Variants in CSMD3 observed in about 807,000 individuals in gnomAD.
The protein encoded by CSMD3 is CUB and Sushi multiple domains 3.
CSMD3 carries 177 observed loss-of-function variants against 435.2 expected under a neutral mutation model. The observed-to-expected ratio is 0.41, with a 90% confidence interval of 0.36 to 0.46. The LOEUF (loss-of-function observed/expected upper bound fraction) is 0.46. Ranked by LOEUF, CSMD3 falls within the 20% of genes least tolerant of loss-of-function variation. The probability of loss-of-function intolerance (pLI) is 0.34; values close to 1 mark genes in which losing one functional copy is unlikely to be tolerated. For missense variants in CSMD3, 4,265 were observed against 4,504.6 expected (o/e 0.95, Z 1.52); for synonymous variants, 1,656 against 1,520.5 (o/e 1.09, Z -2.07).
chr8:113,081,695 T>C (rs946357686), intron 5 of CSMD3, among the ~76,000 whole-genome samples: 3 of 152,024 alleles, frequency 2.0e-5, no homozygotes, highest in Non-Finnish European at 4.4e-5. Flanking sequence ...ACTCCCCGCA[T>C]CTCAAAAATC....
intron 1 of CSMD3, among the ~76,000 whole-genome samples, chr8:113,397,107 G>A (rs2094487154): frequency 6.6e-6 from 1 of 152,108 alleles, no homozygotes; most frequent in South Asian, 2.1e-4. Flanking sequence ...CCTCCAAAAT[G>A]TTAAATTAAT....
intron 11 of CSMD3, among the ~76,000 whole-genome samples, chr8:112,854,114 T>C (rs1296839771): frequency 6.6e-6 from 1 of 152,224 alleles, no homozygotes; most frequent in Non-Finnish European, 1.5e-5. Context: ...TAATTTTTAC[T>C]CTTTATGCAT....
chr8:112,853,193 T>C (rs2080543802), intron 11 of CSMD3, among the ~76,000 whole-genome samples: 1 of 152,102 alleles, frequency 6.6e-6, no homozygotes, highest in South Asian at 2.1e-4. Context: ...ACTCATTAGC[T>C]TTTGCCAGTT....
intron 44 of CSMD3, among the ~76,000 whole-genome samples, chr8:112,335,756 A>G (rs201762192): frequency 3.4e-5 from 5 of 147,536 alleles, no homozygotes; most frequent in Non-Finnish European, 7.5e-5. Context: ...TTTTTTTACC[A>G]AAACTCTGAT....
At chr8:113,276,432 T>C (rs2093570953) in intron 3 of CSMD3, among the ~76,000 whole-genome samples, 1 of 151,994 alleles carries the variant, frequency 6.6e-6, no homozygotes. Context: ...AGTTGCTGGC[T>C]CTAAGGTATG....
intron 6 of CSMD3, among the ~76,000 whole-genome samples, chr8:113,005,818 G>T (rs909697982): frequency 6.6e-6 from 1 of 151,648 alleles, no homozygotes. Flanking sequence ...TTTATCTCTG[G>T]TTCATCCTAG....
chr8:113,423,435 T>G (rs561972266), intron 1 of CSMD3, among the ~76,000 whole-genome samples: 25 of 152,148 alleles, frequency 1.6e-4, no homozygotes, highest in African/African-American at 6.0e-4. Context: ...GCAGTCCATG[T>G]TATGATATTG....
At chr8:113,225,519 T>C (rs1001022455) in intron 3 of CSMD3, among the ~76,000 whole-genome samples, 6 of 151,448 alleles carry the variant, frequency 4.0e-5, no homozygotes, top group Admixed American at 6.6e-5. Flanking sequence ...GAAAATCAAA[T>C]ACCACATGTT....
At chr8:113,067,628 G>T (rs955324293) in intron 5 of CSMD3, among the ~76,000 whole-genome samples, 1 of 152,190 alleles carries the variant, frequency 6.6e-6, no homozygotes, top group African/African-American at 2.4e-5. Flanking sequence ...CACAGGTTCA[G>T]ACAAATTGGA....
At chr8:112,417,842 T>C (rs1156265113) in intron 32 of CSMD3, among the ~76,000 whole-genome samples, 1 of 152,170 alleles carries the variant, frequency 6.6e-6, no homozygotes, top group Non-Finnish European at 1.5e-5. Flanking sequence ...AAAGAAATAG[T>C]TCCACATAGA....
At chr8:112,353,399 G>T (rs569660420) in intron 38 of CSMD3, among the ~76,000 whole-genome samples, 1 of 152,134 alleles carries the variant, frequency 6.6e-6, no homozygotes, top group South Asian at 2.1e-4. Flanking sequence ...CAAAAAAAAG[G>T]AAAGAAAGGA....
rs1453169163 is a variant in CSMD3, at chr8:112,587,102, G to A, written c.3849C>T (p.Ala1283=). 3.7e-6 allele frequency: 6 copies of A among 1,610,780 alleles called. No individual in the cohort carries two copies. Among genetic ancestry groups the A allele is most frequent in the Non-Finnish European group, 4.2e-6 (5 of 1,177,780 alleles). The change falls in exon 23 of 71, where the codon GCC becomes GCT. Residue 1283 remains alanine (A), a synonymous_variant. Coordinates refer to ENST00000297405, the MANE Select transcript of CSMD3 (RefSeq NM_198123.2). ...CTCCTTGTGCTAAATGAAATGTTCT[G>A]GCTGAAATATTGATTCCCTTTCCTG... ...VQAGKGINIS[A]RTFHLAQGDV... is the part of the protein sequence containing the mutation.
At chr8:113,263,174 T>C (rs2093440791) in intron 3 of CSMD3, among the ~76,000 whole-genome samples, 2 of 151,916 alleles carry the variant, frequency 1.3e-5, no homozygotes, top group Admixed American at 1.3e-4. Flanking sequence ...TGAAATAAAG[T>C]CTTCAACTGA....
At chr8:112,934,523 C>T (rs2083216917) in intron 9 of CSMD3, among the ~76,000 whole-genome samples, 1 of 152,110 alleles carries the variant, frequency 6.6e-6, no homozygotes, top group African/African-American at 2.4e-5. Context: ...ATTGATGATG[C>T]TGGATTTTCA....
At chr8:113,433,747 T>A (rs1281226987) in intron 1 of CSMD3, among the ~76,000 whole-genome samples, 1 of 152,214 alleles carries the variant, frequency 6.6e-6, no homozygotes, top group Non-Finnish European at 1.5e-5. Flanking sequence ...ATCCCATGGA[T>A]GTCTCTTTAC....
chr8:112,435,906 T>C (rs2130448405), intron 32 of CSMD3, among the ~76,000 whole-genome samples: 1 of 152,160 alleles, frequency 6.6e-6, no homozygotes, highest in Admixed American at 6.6e-5. Context: ...TTTCATTTTT[T>C]TGTATTTATG....
chr8:112,312,980 G>A (rs750702563), intron 49 of CSMD3, among the ~76,000 whole-genome samples: 2 of 152,170 alleles, frequency 1.3e-5, no homozygotes, highest in Non-Finnish European at 2.9e-5. Flanking sequence ...GAAAGAGACA[G>A]CTGGCTGATT....
intron 31 of CSMD3, among the ~76,000 whole-genome samples, chr8:112,475,913 G>T (rs1323852913): frequency 6.6e-6 from 1 of 151,868 alleles, no homozygotes; most frequent in Non-Finnish European, 1.5e-5. Context: ...ATATACCTGT[G>T]GACCTTTTGT....
chr8:112,912,844 T>C (rs1587653761), intron 10 of CSMD3, among the ~76,000 whole-genome samples: 2 of 151,886 alleles, frequency 1.3e-5, no homozygotes, highest in South Asian at 4.1e-4. Context: ...CCAAAATATA[T>C]GAGGAATTAA....
Sources: gnomAD v4.1 joint callset for allele counts (sites outside exome capture counted in the v4.1 genomes callset) on GRCh38, gnomAD v4.1.1 for gene constraint, MANE v1.5 for transcripts, NCBI Gene and HGNC (gene_info 2026-07-23, HGNC 2026-07-21) for gene names.